Variants in COL23A1 observed in about 807,000 individuals in gnomAD.
COL23A1 encodes the protein collagen alpha-1(XXIII) chain.
COL23A1 carries 97 observed loss-of-function variants against 99.3 expected under a neutral mutation model. The ratio of observed to expected loss-of-function variants is 0.98; its 90% CI spans 0.83 to 1.16. The LOEUF (loss-of-function observed/expected upper bound fraction) is 1.16. COL23A1 is among the 50% of genes most tolerant of loss of function. The pLI is 0.00. For synonymous variants in COL23A1, 320 were observed against 308.2 expected, an observed-to-expected ratio of 1.04 and a Z score of -0.40; for missense variants, 762 against 757.4, an observed-to-expected ratio of 1.01 and a Z score of -0.07.
intron 2 of COL23A1, among the ~76,000 whole-genome samples, chr5:178,411,459 C>G (rs771899924): frequency 2.6e-5 from 4 of 151,968 alleles, no homozygotes; most frequent in Non-Finnish European, 5.9e-5. Flanking sequence ...TATTATTTAT[C>G]CATAAAAGGA....
intron 2 of COL23A1, among the ~76,000 whole-genome samples, chr5:178,319,186 C>A (rs142141700): frequency 1.6e-4 from 25 of 152,192 alleles, no homozygotes; most frequent in African/African-American, 5.3e-4. Flanking sequence ...TCTGTGCTAG[C>A]GCAAGTAAGC....
intron 14 of COL23A1, among the ~76,000 whole-genome samples, chr5:178,256,648 G>T (rs920621105): frequency 3.3e-5 from 5 of 152,208 alleles, no homozygotes; most frequent in African/African-American, 9.7e-5. Context: ...ATGGTGAGTT[G>T]GCCACAAAGC....
chr5:178,238,778 TC>T, intron 28 of COL23A1, 78 bp from the exon 29 acceptor site: 1 of 1,567,288 alleles, frequency 6.4e-7, no homozygotes, highest in Non-Finnish European at 8.8e-7. Context: ...TTGCCTGGCC[TC>T]CCCGGTCCTG....
At chr5:178,381,820 G>C (rs1018958679) in intron 2 of COL23A1, among the ~76,000 whole-genome samples, 2 of 152,200 alleles carry the variant, frequency 1.3e-5, no homozygotes, top group Non-Finnish European at 2.9e-5. Flanking sequence ...ATGCTGTGTA[G>C]AGATGGGATT....
intron 2 of COL23A1, among the ~76,000 whole-genome samples, chr5:178,492,419 G>T: frequency 6.6e-6 from 1 of 152,120 alleles, no homozygotes; most frequent in Non-Finnish European, 1.5e-5. Flanking sequence ...GAAGGCAGCC[G>T]TCTACGAGCC....
chr5:178,509,604 C>A (rs527860015), intron 2 of COL23A1, among the ~76,000 whole-genome samples: 201 of 152,262 alleles, frequency 1.3e-3, no homozygotes, highest in Non-Finnish European at 1.5e-3. Flanking sequence ...TCTAAGGCCA[C>A]CTCCAGCTCT....
chr5:178,429,485 C>T (rs532326365), intron 2 of COL23A1, among the ~76,000 whole-genome samples: 41 of 152,316 alleles, frequency 2.7e-4, no homozygotes, highest in Non-Finnish European at 4.6e-4. Context: ...CCTTTTCTTC[C>T]CAAACAGATA....
chr5:178,348,841 C>G (rs1052660169), intron 2 of COL23A1, among the ~76,000 whole-genome samples: 1 of 152,220 alleles, frequency 6.6e-6, no homozygotes, highest in Non-Finnish European at 1.5e-5. Context: ...TCTCTGCACA[C>G]GGCCCAGGCC....
At chr5:178,376,072 C>T (rs541507511) in intron 2 of COL23A1, among the ~76,000 whole-genome samples, 2 of 152,282 alleles carry the variant, frequency 1.3e-5, no homozygotes, top group African/African-American at 2.4e-5. Flanking sequence ...GACCCCTGGC[C>T]CTGCCTCCCT....
chr5:178,568,978 T>A (rs1033394407), intron 1 of COL23A1, among the ~76,000 whole-genome samples: 1 of 152,174 alleles, frequency 6.6e-6, no homozygotes, highest in Admixed American at 6.5e-5. Flanking sequence ...AATTTCACAT[T>A]TAATTTTTTG....
intron 2 of COL23A1, among the ~76,000 whole-genome samples, chr5:178,515,624 C>T (rs1759459066): frequency 6.6e-6 from 1 of 152,162 alleles, no homozygotes. Flanking sequence ...CCTTCTCAGC[C>T]TCTAATACCT....
rs114032627 is a variant in COL23A1 at position 178,336,771 on chromosome 5, G to A, written c.362-29852C>T. 5.1e-3 allele frequency among the ~76,000 whole-genome samples: 771 copies of A among 152,286 alleles called. 12 individuals carry two copies. The highest frequency in any genetic ancestry group is 0.018 in the African/African-American group (741 of 41,546). ...TAAAAAAGAATCCAGCTAATAGTTC[G>A]TCTTCCTTTTGGCAGAGCAATCTGT... is the stretch of plus-strand genomic sequence containing the variant. On this transcript the variant is annotated intron_variant, in intron 2 of 28. Transcript: ENST00000390654.
At chr5:178,485,383 G>T (rs1289554738) in intron 2 of COL23A1, among the ~76,000 whole-genome samples, 1 of 151,944 alleles carries the variant, frequency 6.6e-6, no homozygotes, top group African/African-American at 2.4e-5. Context: ...GCTGAGGTGG[G>T]AGGATTGTTT....
At chr5:178,374,741 C>A (rs1365708385) in intron 2 of COL23A1, among the ~76,000 whole-genome samples, 1 of 152,176 alleles carries the variant, frequency 6.6e-6, no homozygotes, top group Non-Finnish European at 1.5e-5. Context: ...TGCAACGTGG[C>A]ACGACTGGAA....
intron 2 of COL23A1, among the ~76,000 whole-genome samples, chr5:178,549,921 A>G (rs549760923): frequency 6.6e-6 from 1 of 152,366 alleles, no homozygotes; most frequent in Admixed American, 6.5e-5. Context: ...GGACATCAGT[A>G]TTATATTCTT....
chr5:178,403,862 G>T (rs1764605643), intron 2 of COL23A1, among the ~76,000 whole-genome samples: 1 of 152,116 alleles, frequency 6.6e-6, no homozygotes, highest in Non-Finnish European at 1.5e-5. Context: ...TGAGCCTTTT[G>T]GGGTGGCCCA....
intron 2 of COL23A1, among the ~76,000 whole-genome samples, chr5:178,488,272 G>A (rs961903182): frequency 6.6e-6 from 1 of 152,172 alleles, no homozygotes; most frequent in Admixed American, 6.5e-5. Context: ...AGAAAAGCCT[G>A]CTAGAGATTT....
chr5:178,405,092 T>TG (rs1404620965), intron 2 of COL23A1, among the ~76,000 whole-genome samples: 1 of 152,210 alleles, frequency 6.6e-6, no homozygotes, highest in East Asian at 1.9e-4. Context: ...GGAGCCCATC[T>TG]CTACCTCCCG....
intron 5 of COL23A1, among the ~76,000 whole-genome samples, chr5:178,278,541 G>A (rs72819054): frequency 0.07 from 10,642 of 152,184 alleles, 461 homozygotes; most frequent in East Asian, 0.084. Flanking sequence ...GCTCTCCTGC[G>A]CCCAACCAGC....
Sources: allele counts gnomAD v4.1 joint callset (sites outside exome capture counted in the v4.1 genomes callset), GRCh38; gene constraint gnomAD v4.1.1; transcripts MANE v1.5; gene names NCBI Gene and HGNC (gene_info 2026-07-23, HGNC 2026-07-21).